CCDC87: variants seen among roughly 807,000 people sequenced by gnomAD.
The protein encoded by CCDC87 is coiled-coil domain containing 87.
For synonymous variants in CCDC87, 434 were observed against 440.2 expected, an observed-to-expected ratio of 0.99 and a Z score of 0.18; for missense variants, 1,072 against 1,041.7, an observed-to-expected ratio of 1.03 and a Z score of -0.40.
Position 66,592,892 on chromosome 11 carries a change from C to A in CCDC87, c.124G>T (p.Gly42Cys). 1 of 1,537,774 alleles carries A rather than the reference C, an allele frequency of 6.5e-7. No homozygotes were observed. ...PEPQKRPPQEGRILQSFPLAK... is the reference protein window; with the variant it reads ...PEPQKRPPQECRILQSFPLAK... ...AGAGGGAAGGACTGCAGAATCCGGC[C>A]CTCCTGCGGGGGGCGCTTCTGAGGC... The change falls in exon 1 of 1, where the codon GGC becomes TGC. Residue 42 changes from glycine (G) to cysteine (C), a missense_variant. By Grantham distance (159) the Gly-to-Cys change is radical. Transcript: ENST00000333861.
In CCDC87 at chr11:66,592,154, T is replaced by A. The variant is rs770403475; in HGVS notation, c.862A>T (p.Ser288Cys). The change falls in exon 1 of 1, where the codon AGC becomes TGC. Residue 288 changes from serine to cysteine, a missense_variant. By Grantham distance (112) the Ser-to-Cys change is moderately radical (BLOSUM62 -1). Coordinates refer to ENST00000333861, the MANE Select transcript of CCDC87 (RefSeq NM_018219.3). ...CTGCTGGTGGGGGCCACAGGATAGC[T>A]GGGCAGCGACACCATCTGTGAGGAA... is the stretch of plus-strand genomic sequence containing the variant. The part of the protein sequence containing the change: ...ISSSQMVSLP[S>C]YPVAPTSRAS... The A allele has an allele frequency of 6.3e-7, 1 of 1,587,760 alleles. No individual in the cohort carries two copies. Among genetic ancestry groups the A allele is most frequent in the South Asian group, 1.2e-5 (1 of 86,042 alleles).
In CCDC87 at chr11:66,592,223, G is replaced by A; in HGVS notation, c.793C>T (p.His265Tyr). 3.7e-6 allele frequency: 6 copies of A among 1,612,366 alleles called. No homozygotes were observed. Among genetic ancestry groups the A allele is most frequent in the South Asian group, 1.1e-5 (1 of 90,866 alleles). ...IPRLKRKKPF[H>Y]WLPSIGKKRE... is the part of the protein sequence containing the mutation. ...TTCTTTCCTATGGAGGGCAGCCAGT[G>A]GAAAGGCTTTTTCCTCTTCAACCGA... Residue 265 changes from histidine (H) to tyrosine (Y), a missense_variant, in exon 1 of 1, where the codon CAC (histidine) becomes TAC (tyrosine). Coordinates refer to ENST00000333861, the MANE Select transcript of CCDC87 (RefSeq NM_018219.3).
Position 66,591,074 on chromosome 11 carries a change from A to T in CCDC87, c.1942T>A (p.Phe648Ile). ...PPLLEDEEPDFVPGEWDWNTV... is the reference protein window; with the variant it reads ...PPLLEDEEPDIVPGEWDWNTV... ...TTCCAATCCCACTCTCCTGGCACAA[A>T]GTCTGGTTCTTCATCTTCTAGCAAT... Residue 648 changes from phenylalanine to isoleucine, a missense_variant, in exon 1 of 1, where the codon TTT (phenylalanine) becomes ATT (isoleucine). Coordinates refer to ENST00000333861, the MANE Select transcript of CCDC87 (RefSeq NM_018219.3). 6.2e-7 allele frequency: 1 copy of T among 1,614,136 alleles called. No homozygotes were observed. The highest frequency in any genetic ancestry group is 1.1e-5 in the South Asian group (1 of 91,092).
Position 66,590,915 on chromosome 11 carries a change from T to C in CCDC87, c.2101A>G (p.Met701Val), listed in dbSNP as rs1858342003. ...GCTTTGGAGCTATATTTAATGGTCA[T>C]GTCCACCTGGTCCTTGTCAGGGACC... ...LEVPDKDQVD[M>V]TIKYSSKARL... The change falls in exon 1 of 1, where the codon ATG becomes GTG. Residue 701 changes from methionine (M) to valine (V), a missense_variant. Physicochemically the swap from Met to Val is conservative, Grantham distance 21. Transcript: ENST00000333861. 6.2e-7 allele frequency: 1 copy of C among 1,613,504 alleles called. No individual in the cohort carries two copies. Among genetic ancestry groups the C allele is most frequent in the South Asian group, 1.1e-5 (1 of 91,094 alleles).
Position 66,590,545 on chromosome 11 carries a change from C to T in CCDC87, c.2471G>A (p.Arg824Gln), listed in dbSNP as rs761785267. 2.7e-5 allele frequency: 43 copies of T among 1,614,048 alleles called. No individual in the cohort carries two copies. Among genetic ancestry groups the T allele is most frequent in the East Asian group, 4.5e-5 (2 of 44,902 alleles). The stretch of plus-strand genomic sequence containing the variant: ...GGCCGAGACCAGGTGGCGAACCCGC[C>T]GCTGCTGTTGCAGCCAATAGAGCAT... Reference protein sequence around the residue: ...VEMLYWLQQQRRVRHLVSALK... With the variant: ...VEMLYWLQQQQRVRHLVSALK... Residue 824 changes from arginine to glutamine, a missense_variant, in exon 1 of 1, where the codon CGG (arginine) becomes CAG (glutamine). Coordinates refer to ENST00000333861, the MANE Select transcript of CCDC87 (RefSeq NM_018219.3).
chr11:66,591,352 G>A lies in CCDC87; in HGVS notation c.1664C>T (p.Thr555Ile), dbSNP rs1858352234. The change falls in exon 1 of 1, where the codon ACT becomes ATT. Residue 555 changes from threonine (T) to isoleucine (I), a missense_variant. Physicochemically the swap from Thr to Ile is moderately conservative, Grantham distance 89. Coordinates refer to ENST00000333861, the MANE Select transcript of CCDC87 (RefSeq NM_018219.3). ...LVGLYSQRAN[T>I]LQSNTKKMPS... ...CATCTTCTTAGTATTGGACTGTAAA[G>A]TGTTTGCTCTCTGGGAGTAAAGTCC... 1 of 1,614,206 alleles carries A rather than the reference G, an allele frequency of 6.2e-7. No individual in the cohort carries two copies. The highest frequency in any genetic ancestry group is 8.5e-7 in the Non-Finnish European group (1 of 1,180,044).
rs139982523 is a variant in CCDC87 at position 66,590,344 on chromosome 11, A to G, written c.*122T>C. 5.4e-5 allele frequency: 39 copies of G among 728,798 alleles called. No individual in the cohort carries two copies. The highest frequency in any genetic ancestry group is 8.1e-5 in the Non-Finnish European group (35 of 430,082). 45.1% of individuals were successfully genotyped at this position (728,798 alleles called of 1,614,324 possible). A position where few individuals can be genotyped will look rare whatever the true frequency, so the allele number is the denominator to read the frequency against. On this transcript the variant is annotated 3_prime_UTR_variant, in exon 1 of 1. Coordinates refer to ENST00000333861, the MANE Select transcript of CCDC87 (RefSeq NM_018219.3). ...GAACCCTCCACTCCCAGATATAGAC[A>G]AATATTTCTTCTTCCAAAGCAGTAA...
In CCDC87 at chr11:66,591,476, G is replaced by A; in HGVS notation, c.1540C>T (p.Leu514=). 3 of 1,614,140 alleles carry A rather than the reference G, an allele frequency of 1.9e-6. No individual in the cohort carries two copies. The highest frequency in any genetic ancestry group is 2.5e-6 in the Non-Finnish European group (3 of 1,180,034). Residue 514 remains leucine, a synonymous_variant, in exon 1 of 1, where the codon CTA becomes TTA. Transcript: ENST00000333861. ...SDHLHFDQGP[L]VEPAADKDWS... The stretch of plus-strand genomic sequence containing the variant: ...TCTTTATCTGCTGCAGGCTCAACTA[G>A]GGGCCCTTGATCAAAATGTAAGTGG...
rs1255774392 is a variant in CCDC87 at position 66,592,691 on chromosome 11, T to G, written c.325A>C (p.Asn109His). Residue 109 changes from asparagine (N) to histidine (H), a missense_variant, in exon 1 of 1, where the codon AAC becomes CAC. By Grantham distance (68) the Asn-to-His change is moderately conservative. Transcript: ENST00000333861. ...TCGAGCCGCTTCCGCAGCTTCTGGTTGTTTTTGTGGCTCAGACTAAGTTCG... is the reference window on the plus strand; with the variant it reads ...TCGAGCCGCTTCCGCAGCTTCTGGTGGTTTTTGTGGCTCAGACTAAGTTCG... Reference protein sequence around the residue: ...PAELSLSHKNNQKLRKRLEAY... With the variant: ...PAELSLSHKNHQKLRKRLEAY... 6.2e-7 allele frequency: 1 copy of G among 1,614,034 alleles called. No individual in the cohort carries two copies. Among genetic ancestry groups the G allele is most frequent in the Non-Finnish European group, 8.5e-7 (1 of 1,180,052 alleles).
In CCDC87 at chr11:66,590,852, C is replaced by T; in HGVS notation, c.2164G>A (p.Glu722Lys). The T allele has an allele frequency of 6.2e-7, 1 of 1,613,950 alleles. No homozygotes were observed. The highest frequency in any genetic ancestry group is 1.3e-5 in the African/African-American group (1 of 75,068). Residue 722 changes from glutamate (E) to lysine (K), a missense_variant, in exon 1 of 1, where the codon GAG (glutamate) becomes AAG (lysine). Glu to Lys is a moderately conservative substitution (Grantham distance 56). Coordinates refer to ENST00000333861, the MANE Select transcript of CCDC87 (RefSeq NM_018219.3). ...RQLPSLVNAW[E>K]RALKPIQLRE... ...AGCTGAATGGGCTTCAGGGCCCGCT[C>T]CCAGGCATTCACCAATGAAGGCAGC... is the stretch of plus-strand genomic sequence containing the variant.
Position 66,592,090 on chromosome 11 carries a change from C to G in CCDC87, c.926G>C (p.Gly309Ala), listed in dbSNP as rs977061562. Reference protein sequence around the residue: ...PSPFCPELRRGQSMPSLREGW... With the variant: ...PSPFCPELRRAQSMPSLREGW... The stretch of plus-strand genomic sequence containing the variant: ...CTCACGCAGGGAGGGCATGGATTGG[C>G]CTCTCCGGAGCTCAGGGCAGAAAGG... The change falls in exon 1 of 1, where the codon GGC becomes GCC. Residue 309 changes from glycine (G) to alanine (A), a missense_variant. Gly to Ala is a moderately conservative substitution (Grantham distance 60, BLOSUM62 0). Coordinates refer to ENST00000333861, the MANE Select transcript of CCDC87 (RefSeq NM_018219.3). The G allele has an allele frequency of 5.0e-6, 8 of 1,601,550 alleles. No individual in the cohort carries two copies. Among genetic ancestry groups the G allele is most frequent in the Non-Finnish European group, 6.0e-6 (7 of 1,173,758 alleles).
rs748615915 is a variant in CCDC87 at position 66,591,375 on chromosome 11, T to G, written c.1641A>C (p.Gly547=). 1 of 1,614,088 alleles carries G rather than the reference T, an allele frequency of 6.2e-7. No individual in the cohort carries two copies. Among genetic ancestry groups the G allele is most frequent in the South Asian group, 1.1e-5 (1 of 91,078 alleles). ...QPQIINPELV[G]LYSQRANTLQ... is the part of the protein sequence containing the mutation. ...AAGTGTTTGCTCTCTGGGAGTAAAGTCCAACCAGCTCAGGGTTGATGATTT... is the reference window on the plus strand; with the variant it reads ...AAGTGTTTGCTCTCTGGGAGTAAAGGCCAACCAGCTCAGGGTTGATGATTT... Residue 547 remains glycine (G), a synonymous_variant, in exon 1 of 1, where the codon GGA becomes GGC. Coordinates refer to ENST00000333861, the MANE Select transcript of CCDC87 (RefSeq NM_018219.3).
chr11:66,592,578 A>G lies in CCDC87; in HGVS notation c.438T>C (p.Thr146=). ...CCAACCGGGTGAGGGTGGCTGATTCAGTGAAGACCCCCCTGGGAGTCGACA... is the reference window on the plus strand; with the variant it reads ...CCAACCGGGTGAGGGTGGCTGATTCGGTGAAGACCCCCCTGGGAGTCGACA... ...VTMSTPRGVF[T]ESATLTRLAA... Residue 146 remains threonine, a synonymous_variant, in exon 1 of 1, where the codon ACT becomes ACC. Coordinates refer to ENST00000333861, the MANE Select transcript of CCDC87 (RefSeq NM_018219.3). 1 of 1,613,364 alleles carries G rather than the reference A, an allele frequency of 6.2e-7. No individual in the cohort carries two copies. The highest frequency in any genetic ancestry group is 8.5e-7 in the Non-Finnish European group (1 of 1,180,026).
Position 66,592,501 on chromosome 11 carries a change from T to C in CCDC87, c.515A>G (p.Tyr172Cys), listed in dbSNP as rs753104546. Reference protein sequence around the residue: ...CTLFLTSPNVYRGLLADFQAL... With the variant: ...CTLFLTSPNVCRGLLADFQAL... Reference sequence around the variant, plus strand: ...CTGGAAGTCGGCAAGCAGGCCACGGTAGACGTTGGGACTAGTAAGGAAGAG... The same window carrying C: ...CTGGAAGTCGGCAAGCAGGCCACGGCAGACGTTGGGACTAGTAAGGAAGAG... The change falls in exon 1 of 1, where the codon TAC becomes TGC. Residue 172 changes from tyrosine (Y) to cysteine (C), a missense_variant. Tyr to Cys is a radical substitution (Grantham distance 194). Coordinates refer to ENST00000333861, the MANE Select transcript of CCDC87 (RefSeq NM_018219.3). 14 of 1,613,582 alleles carry C rather than the reference T, an allele frequency of 8.7e-6. No individual in the cohort carries two copies. In the South Asian group the frequency reaches 1.3e-4, roughly 15 times the overall value.
In CCDC87 at chr11:66,591,281, A is replaced by G. The variant is rs1279509284; in HGVS notation, c.1735T>C (p.Ser579Pro). The part of the protein sequence containing the change: ...LQATKSWEKW[S>P]NKASLMNSWK... ...GAGTTCATCAAGGAGGCCTTGTTTG[A>G]CCACTTCTCCCAGCTTTTGGTAGCT... is the stretch of plus-strand genomic sequence containing the variant. The change falls in exon 1 of 1, where the codon TCA becomes CCA. Residue 579 changes from serine to proline, a missense_variant. Ser to Pro is a moderately conservative substitution (Grantham distance 74). Transcript: ENST00000333861. 2 of 1,614,158 alleles carry G rather than the reference A, an allele frequency of 1.2e-6. No homozygotes were observed. The highest frequency in any genetic ancestry group is 1.7e-6 in the Non-Finnish European group (2 of 1,180,016).
In CCDC87 at chr11:66,593,028, C is replaced by A; in HGVS notation, c.-13G>T. On this transcript the variant is annotated 5_prime_UTR_variant, in exon 1 of 1. Coordinates refer to ENST00000333861, the MANE Select transcript of CCDC87 (RefSeq NM_018219.3). ...GGGGCTCCATCATAGAGCCGGCGGC[C>A]GCCACCGTCCAGGAACAGAAAGCCG... is the stretch of plus-strand genomic sequence containing the variant. 1 of 1,506,406 alleles carries A rather than the reference C, an allele frequency of 6.6e-7. No homozygotes were observed. Among genetic ancestry groups the A allele is most frequent in the Non-Finnish European group, 8.9e-7 (1 of 1,129,904 alleles). 93.3% of individuals were successfully genotyped at this position (1,506,406 alleles called of 1,614,324 possible).
rs1858400627 is a variant in CCDC87, at chr11:66,592,878, C to T, written c.138G>A (p.Gln46=). The T allele has an allele frequency of 6.4e-7, 1 of 1,554,490 alleles. No homozygotes were observed. The change falls in exon 1 of 1, where the codon CAG becomes CAA. Residue 46 remains glutamine, a synonymous_variant. Coordinates refer to ENST00000333861, the MANE Select transcript of CCDC87 (RefSeq NM_018219.3). ...CCGTCAGCTTCGCCAGAGGGAAGGA[C>T]TGCAGAATCCGGCCCTCCTGCGGGG... ...KRPPQEGRIL[Q]SFPLAKLTVA...
rs150149433 is a variant in CCDC87, at chr11:66,592,558, C to T, written c.458G>A (p.Arg153Gln). The change falls in exon 1 of 1, where the codon CGG (arginine) becomes CAG (glutamine). Residue 153 changes from arginine to glutamine, a missense_variant. Coordinates refer to ENST00000333861, the MANE Select transcript of CCDC87 (RefSeq NM_018219.3). ...GVFTESATLT[R>Q]LAASLARDCT... ...GTCCCTGGCGAGGCTGGCGGCCAACCGGGTGAGGGTGGCTGATTCAGTGAA... is the reference window on the plus strand; with the variant it reads ...GTCCCTGGCGAGGCTGGCGGCCAACTGGGTGAGGGTGGCTGATTCAGTGAA... The T allele has an allele frequency of 6.2e-6, 10 of 1,612,938 alleles. No individual in the cohort carries two copies. The highest frequency in any genetic ancestry group is 2.7e-5 in the African/African-American group (2 of 74,944).
chr11:66,590,440 A>G lies in CCDC87; in HGVS notation c.*26T>C, dbSNP rs771234896. The G allele has an allele frequency of 6.4e-7, 1 of 1,554,988 alleles. No individual in the cohort carries two copies. Among genetic ancestry groups the G allele is most frequent in the Non-Finnish European group, 8.7e-7 (1 of 1,146,500 alleles). On this transcript the variant is annotated 3_prime_UTR_variant, in exon 1 of 1. Coordinates refer to ENST00000333861, the MANE Select transcript of CCDC87 (RefSeq NM_018219.3). ...TTGAGGGCACTGGGCCTGGTCAAGGAGTAATAGGGGTATTCCCAGGAGCTA... is the reference window on the plus strand; with the variant it reads ...TTGAGGGCACTGGGCCTGGTCAAGGGGTAATAGGGGTATTCCCAGGAGCTA...
Sources: allele counts gnomAD v4.1 joint callset, GRCh38; gene constraint gnomAD v4.1.1; transcripts MANE v1.5; gene names NCBI Gene and HGNC (gene_info 2026-07-23, HGNC 2026-07-21).